SYN3: variants seen among roughly 807,000 people sequenced by gnomAD.
The protein encoded by SYN3 is synapsin III.
Under a neutral mutation model 65.8 loss-of-function variants are expected in SYN3, and 35 were observed. That is an observed-to-expected ratio of 0.53 (90% CI 0.41 to 0.70). SYN3 has a LOEUF of 0.70. SYN3 is among the 30% of genes least tolerant of loss of function. The probability of loss-of-function intolerance (pLI) is 0.00; values close to 1 mark genes in which losing one functional copy is unlikely to be tolerated. For synonymous variants in SYN3, 270 were observed against 292.9 expected (o/e 0.92, Z 0.80); for missense variants, 680 against 749.0 (o/e 0.91, Z 1.08).
chr22:33,014,809 A>G (rs1035609259), intron 1 of SYN3, among the ~76,000 whole-genome samples: 3 of 152,162 alleles, frequency 2.0e-5, no homozygotes, highest in Non-Finnish European at 2.9e-5. Context: ...GTCGAAGGAC[A>G]AGAGTCGTAG....
In SYN3 at chr22:32,914,246, T is replaced by C. The variant is rs936143330; in HGVS notation, c.461+17144A>G. On this transcript the variant is annotated intron_variant, in intron 4 of 13. Coordinates refer to ENST00000358763, the MANE Select transcript of SYN3 (RefSeq NM_003490.4). ...TTTTGAAATAGACAAAAAAGACGAG[T>C]CATAGTCATACTCAATCATGTAGAA... Among the ~76,000 whole-genome samples, 6 of 151,752 alleles carry C rather than the reference T, an allele frequency of 4.0e-5. 1 individual carries two copies. The highest frequency in any genetic ancestry group is 2.0e-4 in the East Asian group (1 of 5,128).
rs181517463 is a variant in SYN3, at chr22:32,637,186, A to G, written c.712-40450T>C. Among the ~76,000 whole-genome samples the G allele has an allele frequency of 1.5e-3, 233 of 152,338 alleles. 2 individuals are homozygous for G. In the South Asian group the frequency reaches 0.023, roughly 15 times the overall value. Reference sequence around the variant, plus strand: ...ACCAGAGGCAAAGTGAAGTGTTGTAATAGAGAACCAATGTCTGGAGCCAGA... The same window carrying G: ...ACCAGAGGCAAAGTGAAGTGTTGTAGTAGAGAACCAATGTCTGGAGCCAGA... On this transcript the variant is annotated intron_variant, in intron 6 of 13. Coordinates refer to ENST00000358763, the MANE Select transcript of SYN3 (RefSeq NM_003490.4).
chr22:33,000,675 ACTGT>A (rs1185668857), intron 2 of SYN3, among the ~76,000 whole-genome samples: 2 of 152,188 alleles, frequency 1.3e-5, no homozygotes, highest in Non-Finnish European at 2.9e-5. Flanking sequence ...GGGTGGGTTC[ACTGT>A]CTGTCCAGAC....
intron 6 of SYN3, among the ~76,000 whole-genome samples, chr22:32,654,462 C>T (rs1397764655): frequency 6.6e-6 from 1 of 152,216 alleles, no homozygotes; most frequent in Non-Finnish European, 1.5e-5. Flanking sequence ...CTGGCCCCAG[C>T]CTTATCTTCT....
intron 2 of SYN3, among the ~76,000 whole-genome samples, chr22:32,981,719 A>G (rs1288380833): frequency 6.6e-6 from 1 of 152,180 alleles, no homozygotes; most frequent in Non-Finnish European, 1.5e-5. Context: ...TAATCTAATC[A>G]TTATACGTTA....
At chr22:32,873,175 T>C (rs527499771) in intron 4 of SYN3, among the ~76,000 whole-genome samples, 1 of 152,272 alleles carries the variant, frequency 6.6e-6, no homozygotes, top group South Asian at 2.1e-4. Context: ...AGTTTCAAAC[T>C]CCTGACCTCA....
At position 32,529,006 on chromosome 22, in the gene SYN3, T is replaced by A. The variant is rs987523611; in HGVS notation, c.1098A>T (p.Val366=). Reference sequence around the variant, plus strand: ...CAATCAGCGGCATTGAGCTGTCCATTACCTGTGGGGAGGAAGGGAGAGCTG... The same window carrying A: ...CAATCAGCGGCATTGAGCTGTCCATAACCTGTGGGGAGGAAGGGAGAGCTG... ...SKDGRDYIIE[V]MDSSMPLIGE... Residue 366 remains valine, a splice_region_variant and synonymous_variant, in exon 11 of 14, where the codon GTA becomes GTT. Coordinates refer to ENST00000358763, the MANE Select transcript of SYN3 (RefSeq NM_003490.4). 6.2e-7 allele frequency: 1 copy of A among 1,613,780 alleles called. No homozygotes were observed. Among genetic ancestry groups the A allele is most frequent in the African/African-American group, 1.3e-5 (1 of 75,022 alleles).
intron 6 of SYN3, among the ~76,000 whole-genome samples, chr22:32,725,947 TC>T (rs1318767354): frequency 6.6e-6 from 1 of 152,162 alleles, no homozygotes; most frequent in Non-Finnish European, 1.5e-5. Flanking sequence ...ACGTAAAAGC[TC>T]CCCTGAGCAT....
chr22:33,047,527 C>T (rs957778753), intron 1 of SYN3, among the ~76,000 whole-genome samples: 9 of 152,110 alleles, frequency 5.9e-5, no homozygotes, highest in Admixed American at 5.9e-4. Context: ...AGTTCAACAT[C>T]TCCCTTCTAA....
Position 32,869,128 on chromosome 22 carries a change from G to A in SYN3, c.462-3C>T, listed in dbSNP as rs1352413003. On this transcript the variant is annotated splice_region_variant and splice_polypyrimidine_tract_variant and intron_variant, in intron 4 of 13. Transcript: ENST00000358763. ...TGAAGTCTGGCTTGAAGGATCTGCT[G>A]AGAAAGCCAACAGCAGTGTTACCAC... The A allele has an allele frequency of 2.5e-6, 4 of 1,612,580 alleles. 1 individual carries two copies. The highest frequency in any genetic ancestry group is 1.3e-5 in the African/African-American group (1 of 75,026).
intron 7 of SYN3, among the ~76,000 whole-genome samples, chr22:32,542,591 A>C (rs1453347489): frequency 6.7e-6 from 1 of 148,544 alleles, no homozygotes; most frequent in Non-Finnish European, 1.5e-5. Flanking sequence ...TGTGTGTTGT[A>C]CATGTGGTAT....
At chr22:32,876,956 A>G (rs1187959624) in intron 4 of SYN3, among the ~76,000 whole-genome samples, 2 of 152,248 alleles carry the variant, frequency 1.3e-5, no homozygotes, top group Non-Finnish European at 2.9e-5. Flanking sequence ...TAGATAGATG[A>G]TAGATAAATA....
chr22:33,010,349 T>C (rs1438714533), intron 1 of SYN3, among the ~76,000 whole-genome samples: 2 of 152,176 alleles, frequency 1.3e-5, no homozygotes, highest in Non-Finnish European at 2.9e-5. Context: ...CTAAACTTGA[T>C]TTTTGAGTGG....
intron 6 of SYN3, among the ~76,000 whole-genome samples, chr22:32,603,406 G>A (rs1289486860): frequency 6.6e-6 from 1 of 150,726 alleles, no homozygotes; most frequent in Non-Finnish European, 1.5e-5. Context: ...TGTAGTCCCA[G>A]CTACTAGGGA....
intron 6 of SYN3, among the ~76,000 whole-genome samples, chr22:32,659,061 G>T (rs1308718857): frequency 6.6e-6 from 1 of 152,158 alleles, no homozygotes; most frequent in Non-Finnish European, 1.5e-5. Flanking sequence ...TTTCCTTAAG[G>T]TCACAATGAG....
chr22:32,649,082 T>A (rs1041260414), intron 6 of SYN3, among the ~76,000 whole-genome samples: 4 of 152,226 alleles, frequency 2.6e-5, no homozygotes, highest in Admixed American at 1.3e-4. Flanking sequence ...GACTTGATAG[T>A]TTCTTCCACT....
chr22:32,921,932 A>C lies in SYN3; in HGVS notation c.461+9458T>G, dbSNP rs188965818. ...TGGGATGTCCACCAAGGCAGCCTGC[A>C]GCCTGCTCCAGAACTGTGTTCTTAA... On this transcript the variant is annotated intron_variant, in intron 4 of 13. Coordinates refer to ENST00000358763, the MANE Select transcript of SYN3 (RefSeq NM_003490.4). Among the ~76,000 whole-genome samples the C allele has an allele frequency of 6.0e-4, 91 of 152,280 alleles. No individual in the cohort carries two copies. The East Asian group carries it at 0.014, about 24-fold the overall frequency.
At chr22:32,614,515 TG>T (rs1278659512) in intron 6 of SYN3, among the ~76,000 whole-genome samples, 1 of 152,144 alleles carries the variant, frequency 6.6e-6, no homozygotes, top group Non-Finnish European at 1.5e-5. Context: ...GGTCTCCCCT[TG>T]AGTGGACAGG....
chr22:32,918,498 T>C (rs2050247895), intron 4 of SYN3, among the ~76,000 whole-genome samples: 1 of 152,214 alleles, frequency 6.6e-6, no homozygotes, highest in Non-Finnish European at 1.5e-5. Flanking sequence ...AAATAAATTA[T>C]ACAATAGCAT....
Sources: gnomAD v4.1 joint callset for allele counts (sites outside exome capture counted in the v4.1 genomes callset) on GRCh38, gnomAD v4.1.1 for gene constraint, MANE v1.5 for transcripts, NCBI Gene and HGNC (gene_info 2026-07-23, HGNC 2026-07-21) for gene names.